The following ARMH4 variants were observed in gnomAD, a reference collection of about 807,000 sequenced individuals.
The protein encoded by ARMH4 is armadillo like helical domain containing 4.
In ARMH4, 49 loss-of-function variants were observed where a neutral mutation model predicts 61.9. The ratio of observed to expected loss-of-function variants is 0.79; its 90% CI spans 0.63 to 1.00. The LOEUF (loss-of-function observed/expected upper bound fraction) is 1.00, where lower values mean the gene tolerates loss of function less well. ARMH4 is among the 50% of genes least tolerant of loss of function. ARMH4 has a pLI of 0.00. For missense variants in ARMH4, 934 were observed against 930.0 expected (o/e 1.00, Z -0.06); for synonymous variants, 368 against 341.5 (o/e 1.08, Z -0.85).
At chr14:58,055,881 G>A (rs1566560494) in intron 5 of ARMH4, among the ~76,000 whole-genome samples, 1 of 152,218 alleles carries the variant, frequency 6.6e-6, no homozygotes, top group Non-Finnish European at 1.5e-5. Flanking sequence ...GAATCTCTAA[G>A]GGATTTGTTT....
At chr14:58,073,197 T>C (rs560089536) in intron 5 of ARMH4, among the ~76,000 whole-genome samples, 1 of 152,250 alleles carries the variant, frequency 6.6e-6, no homozygotes, top group East Asian at 1.9e-4. Context: ...AAATAAATGA[T>C]GAGAAGAAGA....
chr14:58,039,322 G>T (rs969325939), intron 5 of ARMH4, among the ~76,000 whole-genome samples: 1 of 152,042 alleles, frequency 6.6e-6, no homozygotes, highest in African/African-American at 2.4e-5. Context: ...TCTGCCACAA[G>T]TAATCCCATC....
chr14:58,060,306 C>T lies in ARMH4; in HGVS notation c.2089+36418G>A, dbSNP rs111958858. ...CTGTTATTTCCTCATAACTCTTTGC[C>T]ACAAAGAAGGGAATCCCATGTCCTT... On this transcript the variant is annotated intron_variant, in intron 5 of 7. Coordinates refer to ENST00000267485, the MANE Select transcript of ARMH4 (RefSeq NM_001001872.4). Among the ~76,000 whole-genome samples the T allele has an allele frequency of 7.0e-3, 1,062 of 152,244 alleles. 5 individuals are homozygous for T. Among genetic ancestry groups the T allele is most frequent in the Non-Finnish European group, 0.011 (772 of 68,008 alleles).
chr14:58,143,765 C>CTT lies in ARMH4; in HGVS notation c.-56-4353_-56-4352dup, dbSNP rs201034964. On this transcript the variant is annotated intron_variant, in intron 1 of 7. Coordinates refer to ENST00000267485, the MANE Select transcript of ARMH4 (RefSeq NM_001001872.4). The stretch of plus-strand genomic sequence containing the variant: ...AGGCATGAGCCACCGTGCCCATCCT[C>CTT]TTTTTTTTTTTTTTTTTTTTTTTTC... 1.8e-3 allele frequency among the ~76,000 whole-genome samples: 218 copies of CTT among 120,032 alleles called. 6 individuals carry two copies. Among genetic ancestry groups the CTT allele is most frequent in the African/African-American group, 3.9e-3 (99 of 25,160 alleles). The allele number at this position is 120,032 out of a possible 152,430, so 78.7% of individuals were successfully genotyped here. A position where few individuals can be genotyped will look rare whatever the true frequency, so the allele number is the denominator to read the frequency against.
At chr14:58,020,212 G>A (rs1038358331) in intron 5 of ARMH4, among the ~76,000 whole-genome samples, 5 of 152,276 alleles carry the variant, frequency 3.3e-5, no homozygotes, top group Non-Finnish European at 2.9e-5. Flanking sequence ...AGCCTGTTCA[G>A]TACACCCATG....
Position 58,152,193 on chromosome 14 carries a change from T to A in ARMH4, c.-175A>T, listed in dbSNP as rs1044200884. The A allele has an allele frequency of 6.4e-6, 1 of 156,808 alleles. No individual in the cohort carries two copies. Among genetic ancestry groups the A allele is most frequent in the African/African-American group, 2.4e-5 (1 of 41,492 alleles). 9.7% of individuals were successfully genotyped at this position (156,808 alleles called of 1,614,324 possible). A position where few individuals can be genotyped will look rare whatever the true frequency, so the allele number is the denominator to read the frequency against. On this transcript the variant is annotated 5_prime_UTR_variant, in exon 1 of 8. Coordinates refer to ENST00000267485, the MANE Select transcript of ARMH4 (RefSeq NM_001001872.4). ...CGGTAGCGGCGGCGACTCCCTCCGC[T>A]GTCTGGGACGCTAGGGGGAGGGCGC...
chr14:58,074,558 ATTAAT>A (rs1884985209), intron 5 of ARMH4, among the ~76,000 whole-genome samples: 1 of 151,524 alleles, frequency 6.6e-6, no homozygotes, highest in Non-Finnish European at 1.5e-5. Flanking sequence ...TGTAGTATTT[ATTAAT>A]TTCTGTGGTG....
At chr14:58,076,647 T>C (rs1000978303) in intron 5 of ARMH4, among the ~76,000 whole-genome samples, 1 of 152,162 alleles carries the variant, frequency 6.6e-6, no homozygotes, top group Non-Finnish European at 1.5e-5. Context: ...CTCAGTAAAG[T>C]TGTTTTTTTA....
At chr14:58,080,855 A>G (rs1296962979) in intron 5 of ARMH4, among the ~76,000 whole-genome samples, 4 of 152,128 alleles carry the variant, frequency 2.6e-5, no homozygotes, top group Admixed American at 6.5e-5. Context: ...TAATCCTAGC[A>G]CTTTGGGAGG....
At position 58,068,238 on chromosome 14, in the gene ARMH4, C is replaced by A. The variant is rs146805959; in HGVS notation, c.2089+28486G>T. On this transcript the variant is annotated intron_variant, in intron 5 of 7. Transcript: ENST00000267485. ...TCAGTTAATTCTGTCTACCCCCCAA[C>A]CCCCCTCCAAAAAAGCTTTAGTTGC... Among the ~76,000 whole-genome samples, 173 of 151,298 alleles carry A rather than the reference C, an allele frequency of 1.1e-3. 3 individuals carry two copies. The highest frequency in any genetic ancestry group is 9.5e-3 in the East Asian group (49 of 5,160).
Position 58,138,792 on chromosome 14 carries a change from A to T in ARMH4, c.567T>A (p.Asn189Lys), listed in dbSNP as rs199745404. The change falls in exon 2 of 8, where the codon AAT (asparagine) becomes AAA (lysine). Residue 189 changes from asparagine to lysine, a missense_variant. Coordinates refer to ENST00000267485, the MANE Select transcript of ARMH4 (RefSeq NM_001001872.4). ...TTKGFLKYMDNQSFATESQEG... is the reference protein window; with the variant it reads ...TTKGFLKYMDKQSFATESQEG... The stretch of plus-strand genomic sequence containing the variant: ...CCTGACTTTCAGTTGCAAATGATTG[A>T]TTATCCATATACTTCAGAAAACCTT... The T allele has an allele frequency of 3.1e-6, 5 of 1,614,192 alleles. No homozygotes were observed. The East Asian group carries it at 8.9e-5, about 29-fold the overall frequency.
In ARMH4 at chr14:58,004,904, G is replaced by T; in HGVS notation, c.2257-100C>A. On this transcript the variant is annotated intron_variant, in intron 7 of 7. Coordinates refer to ENST00000267485, the MANE Select transcript of ARMH4 (RefSeq NM_001001872.4). Reference sequence around the variant, plus strand: ...AGACATGCTAACAAACGAAGCCAAGGCAGGAGCTACAGCAGCTAATCCAGA... The same window carrying T: ...AGACATGCTAACAAACGAAGCCAAGTCAGGAGCTACAGCAGCTAATCCAGA... The T allele has an allele frequency of 1.3e-6, 2 of 1,517,118 alleles. 1 individual carries two copies. The highest frequency in any genetic ancestry group is 2.3e-5 in the South Asian group (2 of 86,922). 94.0% of individuals were successfully genotyped at this position (1,517,118 alleles called of 1,614,324 possible). A position where few individuals can be genotyped will look rare whatever the true frequency, so the allele number is the denominator to read the frequency against.
Position 58,071,774 on chromosome 14 carries a change from G to A in ARMH4, c.2089+24950C>T, listed in dbSNP as rs568172400. 3.9e-5 allele frequency among the ~76,000 whole-genome samples: 6 copies of A among 152,318 alleles called. No homozygotes were observed. In the South Asian group the frequency reaches 1.2e-3, roughly 32 times the overall value. On this transcript the variant is annotated intron_variant, in intron 5 of 7. Coordinates refer to ENST00000267485, the MANE Select transcript of ARMH4 (RefSeq NM_001001872.4). ...ATATAATGACAGCAATATAAATCATGATTAACCCTTTAGGTATTTCAAATT... is the reference window on the plus strand; with the variant it reads ...ATATAATGACAGCAATATAAATCATAATTAACCCTTTAGGTATTTCAAATT...
chr14:58,032,744 C>T (rs981725008), intron 5 of ARMH4, among the ~76,000 whole-genome samples: 3 of 151,954 alleles, frequency 2.0e-5, no homozygotes, highest in Admixed American at 6.6e-5. Context: ...ACCTGGGAAG[C>T]GCAAGGGGTC....
chr14:58,097,428 T>C (rs1428339766), intron 4 of ARMH4, among the ~76,000 whole-genome samples: 1 of 152,216 alleles, frequency 6.6e-6, no homozygotes, highest in Admixed American at 6.5e-5. Flanking sequence ...CACAGCTTTT[T>C]CTATTCATCC....
intron 4 of ARMH4, chr14:58,100,902 G>GT (rs1885951132): frequency 6.5e-6 from 1 of 153,176 alleles, no homozygotes; most frequent in Admixed American, 6.5e-5. Flanking sequence ...GGCAGAATCA[G>GT]TGAGTCAGAG....
At chr14:58,145,753 T>C (rs1221050244) in intron 1 of ARMH4, among the ~76,000 whole-genome samples, 1 of 152,350 alleles carries the variant, frequency 6.6e-6, no homozygotes, top group African/African-American at 2.4e-5. Flanking sequence ...TCCCCCCTTT[T>C]CAAAGGCATT....
intron 4 of ARMH4, among the ~76,000 whole-genome samples, chr14:58,108,500 A>T (rs1886241980): frequency 7.2e-5 from 11 of 152,186 alleles, no homozygotes. Context: ...TGACTGCTAT[A>T]TTTGGGGACT....
intron 5 of ARMH4, among the ~76,000 whole-genome samples, chr14:58,022,990 C>T (rs1457691185): frequency 6.6e-6 from 1 of 152,178 alleles, no homozygotes; most frequent in African/African-American, 2.4e-5. Flanking sequence ...CATACTTTAA[C>T]TAAAAATACT....
Sources: allele counts gnomAD v4.1 joint callset (sites outside exome capture counted in the v4.1 genomes callset), GRCh38; gene constraint gnomAD v4.1.1; transcripts MANE v1.5; gene names NCBI Gene and HGNC (gene_info 2026-07-23, HGNC 2026-07-21).